Variants in MCPH1 observed in about 807,000 individuals in gnomAD.
MCPH1 encodes the protein microcephalin 1.
MCPH1 carries 104 observed loss-of-function variants against 84.5 expected under a neutral mutation model. That is an observed-to-expected ratio of 1.23 (90% CI 1.05 to 1.45). The LOEUF is 1.45. MCPH1 is among the 40% of genes most tolerant of loss of function. The pLI, the probability that MCPH1 is intolerant of heterozygous loss-of-function variation, is 0.00. For synonymous variants in MCPH1, 514 were observed against 366.8 expected (o/e 1.40, Z -4.58); for missense variants, 1,498 against 1,005.7 (o/e 1.49, Z -6.62).
rs533987279 is a variant in MCPH1 at position 6,440,891 on chromosome 8, C to G, written c.581-1176C>G. ...ATAGAATTGCCTTTCTCTGTCTTGC[C>G]TAGTTCAGAAGTAGGCAGCCAGGGC... On this transcript the variant is annotated intron_variant, in intron 6 of 13. Transcript: ENST00000344683. Among the ~76,000 whole-genome samples the G allele has an allele frequency of 3.3e-5, 5 of 152,308 alleles. No homozygotes were observed. The East Asian group carries it at 7.7e-4, about 23-fold the overall frequency.
At chr8:6,509,075 A>G (rs1198465871) in intron 12 of MCPH1, 18 of 1,611,176 alleles carry the variant, frequency 1.1e-5, no homozygotes, top group Non-Finnish European at 1.5e-5. Flanking sequence ...GTAAGCGTGC[A>G]AAGAAAAAAA....
At chr8:6,577,458 T>C (rs1032428969) in intron 12 of MCPH1, among the ~76,000 whole-genome samples, 2 of 152,230 alleles carry the variant, frequency 1.3e-5, no homozygotes, top group African/African-American at 2.4e-5. Flanking sequence ...CAAATGGCTG[T>C]CTAGTAAACA....
At chr8:6,509,114 G>GT (rs1563314858) in intron 12 of MCPH1, 1 of 1,581,180 alleles carries the variant, frequency 6.3e-7, no homozygotes, top group Admixed American at 1.8e-5. Context: ...TTGATTTACC[G>GT]TAGTGGCAAA....
At chr8:6,463,738 A>G (rs550956431) in intron 9 of MCPH1, among the ~76,000 whole-genome samples, 3 of 152,342 alleles carry the variant, frequency 2.0e-5, no homozygotes, top group Non-Finnish European at 4.4e-5. Flanking sequence ...TTCATGTAAA[A>G]TGGATTATTT....
intron 13 of MCPH1, chr8:6,625,082 C>T (rs1831926676): frequency 1.6e-6 from 1 of 632,242 alleles, no homozygotes; most frequent in Admixed American, 6.3e-5. Context: ...ACCATGTTGG[C>T]CAGGCTGGTC....
chr8:6,409,477 G>A (rs917132054), intron 2 of MCPH1, 107 bp downstream of exon 2: 1 of 889,712 alleles, frequency 1.1e-6, no homozygotes, highest in Admixed American at 1.9e-5. Context: ...TCTGGACGAA[G>A]CAATGGGTAA....
At chr8:6,473,393 C>G (rs1046309148) in intron 9 of MCPH1, among the ~76,000 whole-genome samples, 2 of 122,226 alleles carry the variant, frequency 1.6e-5, no homozygotes, top group African/African-American at 3.1e-5. Context: ...TGCAGTGGCA[C>G]GATCTTGGCT....
intron 4 of MCPH1, among the ~76,000 whole-genome samples, chr8:6,433,550 T>C (rs1037989188): frequency 6.7e-6 from 1 of 148,686 alleles, no homozygotes; most frequent in East Asian, 2.0e-4. Flanking sequence ...GGAGAATTGC[T>C]TGAACCCAGG....
chr8:6,483,806 G>T (rs144823828), intron 11 of MCPH1, among the ~76,000 whole-genome samples: 1,631 of 152,196 alleles, frequency 0.011, 10 homozygotes, highest in South Asian at 0.043. Flanking sequence ...GTTGCAAAGA[G>T]CCAATACCAT....
At chr8:6,607,268 G>A (rs1294576244) in intron 12 of MCPH1, among the ~76,000 whole-genome samples, 1 of 152,090 alleles carries the variant, frequency 6.6e-6, no homozygotes, top group Non-Finnish European at 1.5e-5. Context: ...GAACAAACAG[G>A]CCTTTCTCAG....
At chr8:6,406,853 TCCCACCAAAACCCC>T (rs1797771873) in intron 1 of MCPH1, 164 bp downstream of exon 1, 31 of 38,258 alleles carry the variant, frequency 8.1e-4, no homozygotes, top group African/African-American at 6.0e-3. Flanking sequence ...CCGCTGCCTG[TCCCACCAAAACCCC>T]CTGCTCCTGC....
At chr8:6,617,752 C>G (rs924663096) in intron 12 of MCPH1, among the ~76,000 whole-genome samples, 2 of 152,096 alleles carry the variant, frequency 1.3e-5, no homozygotes, top group African/African-American at 4.8e-5. Context: ...TCACAGTTCA[C>G]TGCAGCCTCA....
chr8:6,522,954 C>T (rs1326775739), intron 12 of MCPH1, among the ~76,000 whole-genome samples: 2 of 151,952 alleles, frequency 1.3e-5, no homozygotes, highest in Non-Finnish European at 2.9e-5. Context: ...ATGGCATGTA[C>T]TTAATACATA....
At position 6,576,682 on chromosome 8, in the gene MCPH1, A is replaced by ATTTTTTTTTT. The variant is rs58486084; in HGVS notation, c.2215-44736_2215-44727dup. ...GCCACCACGCTCTGCTAATTTTTGT[A>ATTTTTTTTTT]TTTTTTTTTTTTTTTTTTTTTTTTT... On this transcript the variant is annotated intron_variant, in intron 12 of 13. Coordinates refer to ENST00000344683, the MANE Select transcript of MCPH1 (RefSeq NM_024596.5). Among the ~76,000 whole-genome samples, 37 of 42,336 alleles carry ATTTTTTTTTT rather than the reference A, an allele frequency of 8.7e-4. 6 individuals are homozygous for ATTTTTTTTTT. Among genetic ancestry groups the ATTTTTTTTTT allele is most frequent in the East Asian group, 2.3e-3 (3 of 1,310 alleles). The allele number at this position is 42,336 out of a possible 152,430, so 27.8% of individuals were successfully genotyped here.
intron 13 of MCPH1, among the ~76,000 whole-genome samples, chr8:6,638,623 G>C (rs1304084768): frequency 6.6e-6 from 1 of 151,122 alleles, no homozygotes; most frequent in African/African-American, 2.4e-5. Flanking sequence ...ATTTCACGGA[G>C]CTGCTCAAGG....
At chr8:6,541,261 A>G (rs901102036) in intron 12 of MCPH1, among the ~76,000 whole-genome samples, 1 of 152,140 alleles carries the variant, frequency 6.6e-6, no homozygotes, top group Non-Finnish European at 1.5e-5. Flanking sequence ...AATGAAGGAG[A>G]AAAATGAGGC....
At position 6,511,000 on chromosome 8, in the gene MCPH1, C is replaced by T. The variant is rs372017945; in HGVS notation, c.2214+11071C>T. 1.6e-3 allele frequency among the ~76,000 whole-genome samples: 239 copies of T among 152,342 alleles called. 3 individuals are homozygous for T. Among genetic ancestry groups the T allele is most frequent in the African/African-American group, 5.4e-3 (224 of 41,582 alleles). On this transcript the variant is annotated intron_variant, in intron 12 of 13. Coordinates refer to ENST00000344683, the MANE Select transcript of MCPH1 (RefSeq NM_024596.5). ...GATTTTGAAACACTGTACTTTCTTT[C>T]CATTGTCTTCCCATTAATCATAGAC...
chr8:6,498,505 T>C (rs1419642917), intron 11 of MCPH1, among the ~76,000 whole-genome samples: 3 of 152,232 alleles, frequency 2.0e-5, no homozygotes, highest in South Asian at 2.1e-4. Context: ...TAGCTTCTTA[T>C]GGTTTTGTTT....
intron 1 of MCPH1, chr8:6,407,060 C>T (rs2129550371): frequency 1.7e-5 from 6 of 351,440 alleles, no homozygotes; most frequent in South Asian, 1.2e-4. Flanking sequence ...GCCTGTCCCC[C>T]AAATCCCGCC....
Sources: allele counts gnomAD v4.1 joint callset (sites outside exome capture counted in the v4.1 genomes callset), GRCh38; gene constraint gnomAD v4.1.1; transcripts MANE v1.5; gene names NCBI Gene and HGNC (gene_info 2026-07-23, HGNC 2026-07-21).